The following PHF14 variants were observed in gnomAD, a reference collection of about 807,000 sequenced individuals.
PHF14 encodes PHD finger protein 14.
A neutral mutation model predicts 117.9 loss-of-function variants in PHF14; 55 were observed. That is an observed-to-expected ratio of 0.47 (90% confidence interval 0.38 to 0.58). The LOEUF is 0.58. Among genes scored for constraint, PHF14 ranks in the 20% least tolerant of loss-of-function variants. The pLI, the probability that PHF14 is intolerant of heterozygous loss-of-function variation, is 0.00. For synonymous variants in PHF14, 409 were observed against 368.6 expected, an observed-to-expected ratio of 1.11 and a Z score of -1.26; for missense variants, 978 against 1,122.2, an observed-to-expected ratio of 0.87 and a Z score of 1.84.
chr7:11,014,307 T>C (rs994687596), intron 5 of PHF14, among the ~76,000 whole-genome samples: 3 of 152,174 alleles, frequency 2.0e-5, no homozygotes, highest in Non-Finnish European at 2.9e-5. Flanking sequence ...AATACAGTGA[T>C]TTAAAAAGAA....
intron 14 of PHF14, among the ~76,000 whole-genome samples, chr7:11,052,126 T>G (rs1168703808): frequency 6.6e-6 from 1 of 152,220 alleles, no homozygotes; most frequent in African/African-American, 2.4e-5. Context: ...AGCTTTACTT[T>G]TCTCATTCAC....
At chr7:11,140,228 C>T (rs920300056) in intron 17 of PHF14, among the ~76,000 whole-genome samples, 2 of 152,116 alleles carry the variant, frequency 1.3e-5, no homozygotes, top group Non-Finnish European at 2.9e-5. Context: ...TTATACGACC[C>T]TACCGTATAT....
At chr7:11,075,902 C>T (rs1243982731) in intron 16 of PHF14, among the ~76,000 whole-genome samples, 4 of 151,942 alleles carry the variant, frequency 2.6e-5, no homozygotes, top group African/African-American at 7.3e-5. Flanking sequence ...GAGGCTGAGG[C>T]GGGTGGATCA....
At chr7:11,001,496 C>T (rs1468263862) in intron 4 of PHF14, among the ~76,000 whole-genome samples, 2 of 152,084 alleles carry the variant, frequency 1.3e-5, no homozygotes, top group African/African-American at 4.8e-5. Flanking sequence ...GAAATGACAT[C>T]TTGACAATAT....
intron 10 of PHF14, 104 bp from the exon 11 acceptor site, chr7:11,038,656 C>CAA (rs371973677): frequency 1.1e-3 from 240 of 210,708 alleles, no homozygotes; most frequent in Middle Eastern, 6.1e-3. Flanking sequence ...GACTCTGTCT[C>CAA]AAAAAAAAAA....
At chr7:11,097,621 T>C (rs1236480372) in intron 16 of PHF14, among the ~76,000 whole-genome samples, 1 of 152,230 alleles carries the variant, frequency 6.6e-6, no homozygotes, top group African/African-American at 2.4e-5. Context: ...ATGCAGCTAT[T>C]GTTTGAATAC....
At chr7:11,087,899 G>A (rs1414415965) in intron 16 of PHF14, among the ~76,000 whole-genome samples, 2 of 152,172 alleles carry the variant, frequency 1.3e-5, no homozygotes, top group Admixed American at 6.5e-5. Context: ...TTTTTAAAGT[G>A]TATAACTTGA....
chr7:11,083,409 C>T (rs1267035160), intron 16 of PHF14, among the ~76,000 whole-genome samples: 1 of 151,296 alleles, frequency 6.6e-6, no homozygotes, highest in Non-Finnish European at 1.5e-5. Flanking sequence ...CACCCCGTAT[C>T]ATCGTGACTG....
At chr7:11,042,227 AGGTTTACAACTAAT>A (rs1180825657) in intron 12 of PHF14, among the ~76,000 whole-genome samples, 1 of 151,988 alleles carries the variant, frequency 6.6e-6, no homozygotes, top group Non-Finnish European at 1.5e-5. Flanking sequence ...ACTGTTTGAA[AGGTTTACAACTAAT>A]GGTAGGAAAT....
chr7:11,116,436 C>A (rs1389223290), intron 17 of PHF14, among the ~76,000 whole-genome samples: 1 of 151,992 alleles, frequency 6.6e-6, no homozygotes, highest in Non-Finnish European at 1.5e-5. Flanking sequence ...TCATACACAG[C>A]CACACTTACA....
At chr7:11,107,378 T>G (rs886313998) in intron 16 of PHF14, 1 of 875,416 alleles carries the variant, frequency 1.1e-6, no homozygotes. Flanking sequence ...TACATTTTGT[T>G]AATGGGTAAA....
chr7:11,136,784 A>G (rs1788232417), intron 17 of PHF14, among the ~76,000 whole-genome samples: 1 of 152,190 alleles, frequency 6.6e-6, no homozygotes, highest in South Asian at 2.1e-4. Context: ...TTTCAAAAAG[A>G]CTTGTCTAGA....
At chr7:11,021,345 T>G (rs1351523382) in intron 5 of PHF14, among the ~76,000 whole-genome samples, 2 of 152,202 alleles carry the variant, frequency 1.3e-5, no homozygotes, top group Non-Finnish European at 2.9e-5. Context: ...ATAAATAATG[T>G]GCATCTAAAC....
At chr7:11,168,014 C>G (rs905726829) in intron 17 of PHF14, among the ~76,000 whole-genome samples, 1 of 119,584 alleles carries the variant, frequency 8.4e-6, no homozygotes, top group African/African-American at 3.5e-5. Flanking sequence ...CGAAAGAGTC[C>G]GTCTCAAAAA....
intron 14 of PHF14, among the ~76,000 whole-genome samples, chr7:11,058,518 A>C (rs1160500704): frequency 6.6e-6 from 1 of 152,158 alleles, no homozygotes; most frequent in African/African-American, 2.4e-5. Context: ...TAGTAATGTG[A>C]TAAATGCTAA....
At position 11,013,713 on chromosome 7, in the gene PHF14, C is replaced by A. The variant is rs770712946; in HGVS notation, c.1046-34C>A. 273 of 1,236,520 alleles carry A rather than the reference C, an allele frequency of 2.2e-4. 1 individual carries two copies. The highest frequency in any genetic ancestry group is 1.6e-3 in the South Asian group (91 of 58,492). 76.6% of individuals were successfully genotyped at this position (1,236,520 alleles called of 1,614,324 possible). A position where few individuals can be genotyped will look rare whatever the true frequency, so the allele number is the denominator to read the frequency against. The stretch of plus-strand genomic sequence containing the variant: ...TTTTATGTGACTTTAACAAAATAAA[C>A]CCTATTTAATCATAGTGTTTTTGTT... On this transcript the variant is annotated intron_variant, in intron 4 of 17. Coordinates refer to ENST00000634607, the MANE Select transcript of PHF14 (RefSeq NM_001007157.2).
At chr7:11,036,089 T>TC (rs1784318617) in intron 8 of PHF14, among the ~76,000 whole-genome samples, 1 of 152,230 alleles carries the variant, frequency 6.6e-6, no homozygotes, top group Non-Finnish European at 1.5e-5. Context: ...TCAAAGGATT[T>TC]AGTCAGTTTG....
chr7:11,004,864 C>T (rs929160504), intron 4 of PHF14, among the ~76,000 whole-genome samples: 4 of 151,674 alleles, frequency 2.6e-5, no homozygotes, highest in South Asian at 2.1e-4. Flanking sequence ...GGTGAAATCC[C>T]GTCTCTACTA....
chr7:10,978,422 G>A (rs1016683834), intron 2 of PHF14, among the ~76,000 whole-genome samples: 4 of 152,332 alleles, frequency 2.6e-5, no homozygotes, highest in South Asian at 2.1e-4. Context: ...GGAGGTAAGA[G>A]TGGAACTATG....
Sources: gnomAD v4.1 joint callset for allele counts (sites outside exome capture counted in the v4.1 genomes callset) on GRCh38, gnomAD v4.1.1 for gene constraint, MANE v1.5 for transcripts, NCBI Gene and HGNC (gene_info 2026-07-23, HGNC 2026-07-21) for gene names.